UNC13C: variants seen among roughly 807,000 people sequenced by gnomAD.
UNC13C encodes protein unc-13 homolog C.
In UNC13C, 174 loss-of-function variants were observed where a neutral mutation model predicts 245.4. That is an observed-to-expected ratio of 0.71 (90% CI 0.63 to 0.80). The LOEUF is 0.80. UNC13C is among the 30% of genes least tolerant of loss of function. The probability of loss-of-function intolerance (pLI) is 0.00; values close to 1 mark genes in which losing one functional copy is unlikely to be tolerated. For missense variants in UNC13C, 2,829 were observed against 2,602.9 expected (o/e 1.09, Z -1.89); for synonymous variants, 992 against 895.1 (o/e 1.11, Z -1.93).
chr15:53,910,773 ATGAGAGCTGCTGC>A, the UNC13C span: 1 of 146,710 alleles, frequency 6.8e-6, no homozygotes, highest in Non-Finnish European at 1.5e-5. Flanking sequence ...AAAGCTGTTG[ATGAGAGCTGCTGC>A]TGAATAAAAT....
chr15:54,546,952 G>C, intron 27 of UNC13C, 107 bp downstream of exon 27: 1 of 1,035,988 alleles, frequency 9.7e-7, no homozygotes, highest in Non-Finnish European at 1.4e-6. Flanking sequence ...TGGGGAAAAA[G>C]TGTTTGGTAT....
intron 2 of UNC13C, among the ~76,000 whole-genome samples, chr15:54,018,082 TC>T (rs1485871840): frequency 6.6e-6 from 1 of 152,148 alleles, no homozygotes; most frequent in Non-Finnish European, 1.5e-5. Flanking sequence ...CAGGCAGTTT[TC>T]CCCATCCTGT....
chr15:53,898,303 C>G, the UNC13C span, among the ~76,000 whole-genome samples: 1 of 152,014 alleles, frequency 6.6e-6, no homozygotes, highest in Non-Finnish European at 1.5e-5. Context: ...AAATATGGTG[C>G]TAGTGAAACT....
intron 2 of UNC13C, among the ~76,000 whole-genome samples, chr15:54,062,991 A>G (rs2141081566): frequency 6.6e-6 from 1 of 152,306 alleles, no homozygotes; most frequent in Middle Eastern, 3.4e-3. Context: ...GGGGAAAGAA[A>G]GGCTCATTAG....
intron 17 of UNC13C, among the ~76,000 whole-genome samples, chr15:54,349,555 A>G (rs2038934204): frequency 6.6e-6 from 1 of 152,188 alleles, no homozygotes. Context: ...AAAATATTAA[A>G]TATTAAAGAA....
chr15:53,845,322 C>CAA, the UNC13C span, among the ~76,000 whole-genome samples: 17,315 of 134,800 alleles, frequency 0.13, 1,277 homozygotes, highest in Admixed American at 0.19. Context: ...GAGAGTCTCT[C>CAA]AAAAAAAAAA....
At chr15:53,972,156 C>T in the UNC13C span, among the ~76,000 whole-genome samples, 9 of 152,116 alleles carry the variant, frequency 5.9e-5, no homozygotes, top group South Asian at 2.1e-4. Flanking sequence ...AGAGAAAAAA[C>T]GGCAAAGACC....
intron 19 of UNC13C, among the ~76,000 whole-genome samples, chr15:54,446,941 A>T (rs1444474114): frequency 1.3e-5 from 2 of 152,002 alleles, no homozygotes; most frequent in Admixed American, 1.3e-4. Flanking sequence ...AGTAAATAGC[A>T]CTTATTATTT....
At chr15:54,247,275 T>G (rs2036016723) in intron 7 of UNC13C, among the ~76,000 whole-genome samples, 1 of 152,276 alleles carries the variant, frequency 6.6e-6, no homozygotes, top group Non-Finnish European at 1.5e-5. Flanking sequence ...TGCTTTTATT[T>G]AATGCTTCTC....
At chr15:54,203,262 A>G (rs2034579455) in intron 4 of UNC13C, among the ~76,000 whole-genome samples, 2 of 151,866 alleles carry the variant, frequency 1.3e-5, no homozygotes, top group South Asian at 4.1e-4. Context: ...TATGGAAAAC[A>G]GTGTGAAGAC....
chr15:54,341,625 C>T (rs923416415), intron 17 of UNC13C, among the ~76,000 whole-genome samples: 1 of 151,940 alleles, frequency 6.6e-6, no homozygotes, highest in Non-Finnish European at 1.5e-5. Flanking sequence ...ATATAGAAAC[C>T]AAATCAAACA....
At chr15:54,007,214 C>T (rs1895178605) in intron 1 of UNC13C, among the ~76,000 whole-genome samples, 1 of 152,184 alleles carries the variant, frequency 6.6e-6, no homozygotes, top group Non-Finnish European at 1.5e-5. Context: ...CTAATCCTAA[C>T]ACAGTCCAGG....
At chr15:54,465,689 G>T (rs995535675) in intron 19 of UNC13C, among the ~76,000 whole-genome samples, 4 of 151,936 alleles carry the variant, frequency 2.6e-5, no homozygotes, top group African/African-American at 9.7e-5. Context: ...CCAGAAAGAT[G>T]GTCAAAGTGT....
chr15:54,232,494 G>A (rs1241649968), intron 4 of UNC13C, among the ~76,000 whole-genome samples: 2 of 152,072 alleles, frequency 1.3e-5, no homozygotes, highest in Non-Finnish European at 1.5e-5. Context: ...AAATAAGTTC[G>A]ATTCAAGATT....
At chr15:54,178,743 A>G (rs560693439) in intron 4 of UNC13C, among the ~76,000 whole-genome samples, 2 of 152,296 alleles carry the variant, frequency 1.3e-5, no homozygotes, top group East Asian at 3.9e-4. Flanking sequence ...CAAGGAGCCC[A>G]GAATTCTGTT....
chr15:54,167,371 G>A (rs376958539), intron 4 of UNC13C, among the ~76,000 whole-genome samples: 24,089 of 150,710 alleles, frequency 0.16, 2,387 homozygotes, highest in East Asian at 0.24. Context: ...GCGTGATGGT[G>A]GGCGCCTGTA....
intron 8 of UNC13C, among the ~76,000 whole-genome samples, chr15:54,254,391 A>G (rs2036227156): frequency 2.0e-5 from 3 of 152,358 alleles, no homozygotes; most frequent in Admixed American, 2.0e-4. Flanking sequence ...CTCTTTCAAT[A>G]ACAATTTTAC....
chr15:54,552,852 A>ATT (rs1566905357), intron 28 of UNC13C, among the ~76,000 whole-genome samples: 1 of 14,932 alleles, frequency 6.7e-5, no homozygotes, highest in African/African-American at 3.6e-4. Flanking sequence ...ACAATATATA[A>ATT]TATATATTAA....
Position 54,627,348 on chromosome 15 carries a change from T to C in UNC13C, c.*235T>C. On this transcript the variant is annotated 3_prime_UTR_variant, in exon 33 of 33. Transcript: ENST00000260323. ...AAAGTGAAATATCAAGAACACCTTTTAACATGTTTATTTTGTTTCTTTACC... is the reference window on the plus strand; with the variant it reads ...AAAGTGAAATATCAAGAACACCTTTCAACATGTTTATTTTGTTTCTTTACC... 1 of 362,544 alleles carries C rather than the reference T, an allele frequency of 2.8e-6. No individual in the cohort carries two copies. 22.5% of individuals were successfully genotyped at this position (362,544 alleles called of 1,614,324 possible).
Sources: allele counts gnomAD v4.1 joint callset (sites outside exome capture counted in the v4.1 genomes callset), GRCh38; gene constraint gnomAD v4.1.1; transcripts MANE v1.5; gene names NCBI Gene and HGNC (gene_info 2026-07-23, HGNC 2026-07-21).